OSBPL10: variants seen among roughly 807,000 people sequenced by gnomAD.
OSBPL10 encodes oxysterol binding protein like 10.
OSBPL10 carries 49 observed loss-of-function variants against 81.7 expected under a neutral mutation model. The ratio of observed to expected loss-of-function variants is 0.60; its 90% CI spans 0.48 to 0.76. The LOEUF (loss-of-function observed/expected upper bound fraction) is 0.76, where lower values mean the gene tolerates loss of function less well. Ranked by LOEUF, OSBPL10 falls within the 30% of genes least tolerant of loss-of-function variation. OSBPL10 has a pLI of 0.00. For missense variants in OSBPL10, 923 were observed against 987.8 expected, an observed-to-expected ratio of 0.93 and a Z score of 0.88; for synonymous variants, 419 against 383.6, an observed-to-expected ratio of 1.09 and a Z score of -1.08.
intron 4 of OSBPL10, among the ~76,000 whole-genome samples, chr3:31,771,832 A>T (rs1698386751): frequency 6.6e-6 from 1 of 152,170 alleles, no homozygotes; most frequent in Non-Finnish European, 1.5e-5. Context: ...TCTCCCTATA[A>T]CCCGTTACAG....
intron 1 of OSBPL10, among the ~76,000 whole-genome samples, chr3:31,908,416 A>G (rs1696478213): frequency 6.6e-6 from 1 of 152,194 alleles, no homozygotes; most frequent in South Asian, 2.1e-4. Flanking sequence ...CAGATTGGTC[A>G]CATGGAAAAG....
chr3:31,965,294 C>G (rs906467162), intron 1 of OSBPL10, among the ~76,000 whole-genome samples: 1 of 147,144 alleles, frequency 6.8e-6, no homozygotes, highest in African/African-American at 2.5e-5. Flanking sequence ...GGCGTGAACC[C>G]AGGAGGCAGA....
intron 7 of OSBPL10, among the ~76,000 whole-genome samples, chr3:31,695,202 T>A (rs535301298): frequency 6.6e-6 from 1 of 152,366 alleles, no homozygotes; most frequent in South Asian, 2.1e-4. Flanking sequence ...TGAAGCCAGC[T>A]GTGCTCTCTG....
intron 1 of OSBPL10, among the ~76,000 whole-genome samples, chr3:31,978,643 G>A (rs190417223): frequency 1.1e-3 from 168 of 152,266 alleles, no homozygotes; most frequent in African/African-American, 1.7e-3. Context: ...AATTACAGAC[G>A]ATGCTTATGG....
rs140694422 is a variant in OSBPL10 at position 31,823,653 on chromosome 3, C to T, written c.729+6387G>A. ...ATAAATTCTAAAATACTTTATTTAACTGAATGGATATAAAATATTATGATT... is the reference window on the plus strand; with the variant it reads ...ATAAATTCTAAAATACTTTATTTAATTGAATGGATATAAAATATTATGATT... On this transcript the variant is annotated intron_variant, in intron 4 of 11. Transcript: ENST00000396556. Among the ~76,000 whole-genome samples, 687 of 152,150 alleles carry T rather than the reference C, an allele frequency of 4.5e-3. 3 individuals carry two copies. The highest frequency in any genetic ancestry group is 0.016 in the African/African-American group (644 of 41,502).
At chr3:31,774,562 G>C (rs1056613836) in intron 4 of OSBPL10, among the ~76,000 whole-genome samples, 1 of 151,800 alleles carries the variant, frequency 6.6e-6, no homozygotes, top group African/African-American at 2.4e-5. Context: ...GCCCAGGCTG[G>C]AGTGCAATGG....
At chr3:31,873,615 T>G (rs1575593796) in intron 3 of OSBPL10, among the ~76,000 whole-genome samples, 1 of 152,092 alleles carries the variant, frequency 6.6e-6, no homozygotes, top group South Asian at 2.1e-4. Flanking sequence ...TACGTAAGAG[T>G]TTTTAAAAGG....
chr3:31,871,277 C>T (rs933654740), intron 3 of OSBPL10, among the ~76,000 whole-genome samples: 12 of 152,062 alleles, frequency 7.9e-5, no homozygotes, highest in African/African-American at 1.9e-4. Flanking sequence ...ATGAGCCCAC[C>T]GGGAGGAAGG....
At position 31,912,034 on chromosome 3, in the gene OSBPL10, G is replaced by GA. The variant is rs76644297; in HGVS notation, c.282-32205dup. Among the ~76,000 whole-genome samples the GA allele has an allele frequency of 0.017, 2,600 of 151,520 alleles. 208 individuals are homozygous for GA. The East Asian group carries it at 0.25, about 15-fold the overall frequency. On this transcript the variant is annotated intron_variant, in intron 1 of 11. Coordinates refer to ENST00000396556, the MANE Select transcript of OSBPL10 (RefSeq NM_017784.5). ...ACTTAATGCCACGGTACAGTATGCC[G>GA]AAAAAAACAGTTAAAATGATAAATT... is the stretch of plus-strand genomic sequence containing the variant.
At chr3:31,694,240 G>A (rs1329893928) in intron 7 of OSBPL10, among the ~76,000 whole-genome samples, 1 of 151,864 alleles carries the variant, frequency 6.6e-6, no homozygotes, top group Non-Finnish European at 1.5e-5. Context: ...GCGTGATGGT[G>A]AGCACCTGTA....
intron 5 of OSBPL10, among the ~76,000 whole-genome samples, chr3:31,737,307 G>A (rs1340572624): frequency 6.6e-6 from 1 of 152,176 alleles, no homozygotes; most frequent in African/African-American, 2.4e-5. Flanking sequence ...TTCTTACGTG[G>A]AGTGAATAAA....
At chr3:31,904,332 C>G (rs1345236015) in intron 1 of OSBPL10, among the ~76,000 whole-genome samples, 7 of 152,160 alleles carry the variant, frequency 4.6e-5, no homozygotes, top group Admixed American at 1.3e-4. Flanking sequence ...GAGACTGCAG[C>G]AGGCAGGCCA....
chr3:31,675,964 AAG>A (rs1491493321), intron 8 of OSBPL10, among the ~76,000 whole-genome samples: 5 of 151,496 alleles, frequency 3.3e-5, no homozygotes, highest in African/African-American at 4.8e-5. Context: ...AAAAAAAAAA[AAG>A]AGGAAACTAC....
intron 6 of OSBPL10, among the ~76,000 whole-genome samples, chr3:31,731,555 C>T (rs192569047): frequency 6.7e-6 from 1 of 149,532 alleles, no homozygotes; most frequent in Non-Finnish European, 1.5e-5. Flanking sequence ...ATGGTGCGAT[C>T]TTGGCTCACT....
chr3:31,743,369 T>G (rs1255423266), intron 5 of OSBPL10, among the ~76,000 whole-genome samples: 1 of 152,040 alleles, frequency 6.6e-6, no homozygotes, highest in East Asian at 1.9e-4. Context: ...ATTACATACC[T>G]CTCCATAAAT....
At chr3:31,719,579 G>C (rs1696570157) in intron 6 of OSBPL10, among the ~76,000 whole-genome samples, 1 of 152,146 alleles carries the variant, frequency 6.6e-6, no homozygotes, top group African/African-American at 2.4e-5. Context: ...TCTTAATGGT[G>C]ACAGACAGGA....
chr3:31,876,397 A>G (rs377616830), intron 3 of OSBPL10, 36 bp downstream of exon 3: 3 of 1,531,860 alleles, frequency 2.0e-6, no homozygotes, highest in Non-Finnish European at 2.7e-6. Context: ...CAGGCTGGTT[A>G]TTCGAATGCC....
At chr3:31,775,376 G>A (rs1698521685) in intron 4 of OSBPL10, among the ~76,000 whole-genome samples, 1 of 152,104 alleles carries the variant, frequency 6.6e-6, no homozygotes, top group Non-Finnish European at 1.5e-5. Context: ...GGGGAAAGAG[G>A]ATAGGACTCT....
intron 4 of OSBPL10, among the ~76,000 whole-genome samples, chr3:31,791,858 A>C (rs1699018435): frequency 6.6e-6 from 1 of 152,110 alleles, no homozygotes; most frequent in Admixed American, 6.5e-5. Flanking sequence ...GCAAAAAAAA[A>C]AAAAATAAGA....
Sources: allele counts gnomAD v4.1 joint callset (sites outside exome capture counted in the v4.1 genomes callset), GRCh38; gene constraint gnomAD v4.1.1; transcripts MANE v1.5; gene names NCBI Gene and HGNC (gene_info 2026-07-23, HGNC 2026-07-21).